Variants in BCAS3 observed in about 807,000 individuals in gnomAD.
BCAS3 encodes BCAS4/BCAS3 fusion.
Under a neutral mutation model 116.1 loss-of-function variants are expected in BCAS3, and 53 were observed. The ratio of observed to expected loss-of-function variants is 0.46; its 90% CI spans 0.37 to 0.57. BCAS3 has a LOEUF of 0.57. Ranked by LOEUF, BCAS3 falls within the 20% of genes least tolerant of loss-of-function variation. The probability of loss-of-function intolerance (pLI) is 0.00; values close to 1 mark genes in which losing one functional copy is unlikely to be tolerated. For synonymous variants in BCAS3, 391 were observed against 408.2 expected (o/e 0.96, Z 0.51); for missense variants, 917 against 1,165.4 (o/e 0.79, Z 3.10).
At position 61,392,043 on chromosome 17, in the gene BCAS3, C is replaced by A; in HGVS notation, c.2660C>A (p.Pro887Gln). 1 of 1,613,902 alleles carries A rather than the reference C, an allele frequency of 6.2e-7. No individual in the cohort carries two copies. Among genetic ancestry groups the A allele is most frequent in the Non-Finnish European group, 8.5e-7 (1 of 1,180,002 alleles). The change falls in exon 24 of 24, where the codon CCA becomes CAA. Residue 887 changes from proline (P) to glutamine (Q), a missense_variant. Pro to Gln is a moderately conservative substitution (Grantham distance 76). Transcript: ENST00000407086. This position sits in a 1 kb window ranked among gnomAD's most constrained non-coding sequence, Gnocchi z 6.4. ...NSSGSTSGSI[P>Q]RNFDGYRSPL... ...TCAGGCTCCACCAGCGGCAGCATAC[C>A]AAGAAACTTTGATGGCTACCGATCT...
chr17:61,032,672 A>G lies in BCAS3; in HGVS notation c.1638-1994A>G, dbSNP rs1457410021. 6.6e-6 allele frequency among the ~76,000 whole-genome samples: 1 copy of G among 152,136 alleles called. No homozygotes were observed. The highest frequency in any genetic ancestry group is 2.4e-5 in the African/African-American group (1 of 41,426). ...GAGAAGAGTCTTCCTTTCTGGAGGT[A>G]TGTTACTACAGTTGTGACAGATGCA... On this transcript the variant is annotated intron_variant, in intron 16 of 23. Coordinates refer to ENST00000407086, the MANE Select transcript of BCAS3 (RefSeq NM_017679.5). The surrounding 1 kb of genome is among the most constrained non-coding windows in gnomAD (Gnocchi z 4.6).
chr17:60,851,784 T>C lies in BCAS3; in HGVS notation c.477-16792T>C, dbSNP rs2053192387. 4.3e-6 allele frequency: 5 copies of C among 1,170,020 alleles called. 1 individual carries two copies. The Middle Eastern group carries it at 7.7e-4, about 181-fold the overall frequency. The allele number at this position is 1,170,020 out of a possible 1,614,324, so 72.5% of individuals were successfully genotyped here. On this transcript the variant is annotated intron_variant, in intron 7 of 23. Transcript: ENST00000407086. ...GTCTTATCAGTGGTCCCTGTCTCCCTTCTTGTACAATCCAGAGGAATATTT... is the reference window on the plus strand; with the variant it reads ...GTCTTATCAGTGGTCCCTGTCTCCCCTCTTGTACAATCCAGAGGAATATTT...
chr17:61,388,760 G>A lies in BCAS3; in HGVS notation c.2594-3217G>A. The A allele has an allele frequency of 4.7e-6, 7 of 1,498,366 alleles. No individual in the cohort carries two copies. The highest frequency in any genetic ancestry group is 2.0e-5 in the Admixed American group (1 of 49,770). The allele number at this position is 1,498,366 out of a possible 1,614,324, so 92.8% of individuals were successfully genotyped here. ...CTTGCTCGTAGGGCTGGGCGGCCGG[G>A]ATGACTTGGAGGGGGGAATCTGAGC... On this transcript the variant is annotated intron_variant, in intron 23 of 23. Transcript: ENST00000407086. The surrounding 1 kb of genome is among the most constrained non-coding windows in gnomAD (Gnocchi z 6.5).
intron 22 of BCAS3, among the ~76,000 whole-genome samples, chr17:61,183,361 G>T (rs569829078): frequency 6.6e-6 from 1 of 151,922 alleles, no homozygotes; most frequent in African/African-American, 2.4e-5. Flanking sequence ...TCTCAAATTA[G>T]AAATTTTCCC....
intron 22 of BCAS3, among the ~76,000 whole-genome samples, chr17:61,164,371 G>A (rs1403405141): frequency 6.6e-6 from 1 of 152,040 alleles, no homozygotes; most frequent in Non-Finnish European, 1.5e-5. Context: ...AGGTGATTAG[G>A]TCTGGGCATG....
Position 61,322,812 on chromosome 17 carries a change from G to GAGAGAGAGAGAGAGAC in BCAS3, c.2426-45500_2426-45499insCAGAGAGAGAGAGAGA, listed in dbSNP as rs1568850263. Among the ~76,000 whole-genome samples, 327 of 131,416 alleles carry GAGAGAGAGAGAGAGAC rather than the reference G, an allele frequency of 2.5e-3. 4 individuals are homozygous for GAGAGAGAGAGAGAGAC. The highest frequency in any genetic ancestry group is 6.8e-3 in the South Asian group (29 of 4,278). The allele number at this position is 131,416 out of a possible 152,430, so 86.2% of individuals were successfully genotyped here. A position where few individuals can be genotyped will look rare whatever the true frequency, so the allele number is the denominator to read the frequency against. On this transcript the variant is annotated intron_variant, in intron 22 of 23. Transcript: ENST00000407086. ...AGAGAGACAGAGAGAGAGAGAGAGA[G>GAGAGAGAGAGAGAGAC]AGAGAGAGAGAGAGAGACAGAGAGA...
At position 61,181,927 on chromosome 17, in the gene BCAS3, G is replaced by T. The variant is rs1230446580; in HGVS notation, c.2425+97363G>T. 1.3e-5 allele frequency among the ~76,000 whole-genome samples: 2 copies of T among 151,434 alleles called. No homozygotes were observed. Among genetic ancestry groups the T allele is most frequent in the African/African-American group, 4.9e-5 (2 of 41,158 alleles). ...CTCACTCCGCTGCCCAGGCTGGAGT[G>T]CAGCGTCATGATTCTAGCTCATTGC... is the stretch of plus-strand genomic sequence containing the variant. On this transcript the variant is annotated intron_variant, in intron 22 of 23. Transcript: ENST00000407086. This position sits in a 1 kb window ranked among gnomAD's most constrained non-coding sequence, Gnocchi z 5.0.
intron 4 of BCAS3, among the ~76,000 whole-genome samples, chr17:60,691,116 A>G (rs1389788474): frequency 6.6e-6 from 1 of 151,812 alleles, no homozygotes; most frequent in African/African-American, 2.4e-5. Flanking sequence ...TATTTTTAGT[A>G]GAGACGAGGT....
rs1360939634 is a variant in BCAS3, at chr17:61,017,063, G to A, written c.1637+1162G>A. ...TTCATCCCAAATCAGACATCTTAAGGCACCAATAATTTGGTCTGTATATCT... is the reference window on the plus strand; with the variant it reads ...TTCATCCCAAATCAGACATCTTAAGACACCAATAATTTGGTCTGTATATCT... On this transcript the variant is annotated intron_variant, in intron 16 of 23. Transcript: ENST00000407086. The surrounding 1 kb of genome is among the most constrained non-coding windows in gnomAD (Gnocchi z 4.7). 7.9e-5 allele frequency: 12 copies of A among 152,032 alleles called. No homozygotes were observed. The allele number at this position is 152,032 out of a possible 1,614,324, so 9.4% of individuals were successfully genotyped here. A position where few individuals can be genotyped will look rare whatever the true frequency, so the allele number is the denominator to read the frequency against.
In BCAS3 at chr17:61,021,816, G is replaced by A. The variant is rs1366242964; in HGVS notation, c.1637+5915G>A. ...TGTGAGTAAATGATATTGGCATATA[G>A]TAGGCCTTGCAGAAGGTCTATTCCT... On this transcript the variant is annotated intron_variant, in intron 16 of 23. Transcript: ENST00000407086. The surrounding 1 kb of genome is among the most constrained non-coding windows in gnomAD (Gnocchi z 4.6). Among the ~76,000 whole-genome samples the A allele has an allele frequency of 6.6e-6, 1 of 152,196 alleles. No homozygotes were observed. Among genetic ancestry groups the A allele is most frequent in the African/African-American group, 2.4e-5 (1 of 41,444 alleles).
At chr17:60,948,913 G>A (rs1050365493) in intron 14 of BCAS3, among the ~76,000 whole-genome samples, 3 of 148,500 alleles carry the variant, frequency 2.0e-5, no homozygotes, top group African/African-American at 7.5e-5. Flanking sequence ...GTCTTGCTCT[G>A]TTGCCCAGAC....
intron 2 of BCAS3, among the ~76,000 whole-genome samples, chr17:60,682,117 G>A (rs1272061210): frequency 1.3e-5 from 2 of 152,178 alleles, no homozygotes; most frequent in Admixed American, 6.6e-5. Context: ...ATGACAGGCT[G>A]TGATTGTGCA....
rs948924305 is a variant in BCAS3 at position 61,332,573 on chromosome 17, A to G, written c.2426-35754A>G. On this transcript the variant is annotated intron_variant, in intron 22 of 23. Transcript: ENST00000407086. This position sits in a 1 kb window ranked among gnomAD's most constrained non-coding sequence, Gnocchi z 5.4. The stretch of plus-strand genomic sequence containing the variant: ...ACTGATTGCCTCTGCTAATCTCTAT[A>G]CTACCCTGTGACATAGGAATTATTA... 1.3e-5 allele frequency among the ~76,000 whole-genome samples: 2 copies of G among 151,984 alleles called. No homozygotes were observed. The highest frequency in any genetic ancestry group is 2.1e-4 in the South Asian group (1 of 4,814).
chr17:60,761,115 T>C (rs2043483614), intron 6 of BCAS3, among the ~76,000 whole-genome samples: 1 of 152,164 alleles, frequency 6.6e-6, no homozygotes, highest in African/African-American at 2.4e-5. Context: ...TATCCTGAAT[T>C]GTTTTTCTGA....
chr17:61,100,158 C>T (rs755767165), intron 22 of BCAS3, among the ~76,000 whole-genome samples: 8 of 152,168 alleles, frequency 5.3e-5, no homozygotes, highest in Non-Finnish European at 1.2e-4. Context: ...TTGAACTCCC[C>T]AGTCAGTTAT....
chr17:61,079,566 T>A (rs1463639928), intron 21 of BCAS3, among the ~76,000 whole-genome samples: 2 of 152,044 alleles, frequency 1.3e-5, no homozygotes, highest in Non-Finnish European at 2.9e-5. Context: ...CTCACCCCTA[T>A]TCTTTGTCAT....
At chr17:61,075,122 T>C in intron 20 of BCAS3, 102 bp downstream of exon 20, 1 of 851,080 alleles carries the variant, frequency 1.2e-6, no homozygotes, top group South Asian at 1.8e-5. Flanking sequence ...GGTAACTCTT[T>C]ATTGGATTAT....
intron 19 of BCAS3, among the ~76,000 whole-genome samples, chr17:61,064,122 C>G (rs1230079198): frequency 3.3e-5 from 5 of 152,108 alleles, no homozygotes; most frequent in African/African-American, 1.2e-4. Context: ...TGGTTATAGT[C>G]TGTTCACTTC....
At chr17:60,806,297 C>T (rs1408684241) in intron 6 of BCAS3, among the ~76,000 whole-genome samples, 1 of 152,214 alleles carries the variant, frequency 6.6e-6, no homozygotes, top group East Asian at 1.9e-4. Flanking sequence ...CTTGCCTTCA[C>T]ATCTCTGGTG....
Sources: gnomAD v4.1 joint callset for allele counts (sites outside exome capture counted in the v4.1 genomes callset) on GRCh38, gnomAD v4.1.1 for gene constraint, Gnocchi (gnomAD v3.1) non-coding constraint, MANE v1.5 for transcripts, NCBI Gene and HGNC (gene_info 2026-07-23, HGNC 2026-07-21) for gene names.